Variants in IL1RAPL2 observed in about 807,000 individuals in gnomAD.
IL1RAPL2 encodes X-linked interleukin-1 receptor accessory protein-like 2.
IL1RAPL2 carries 3 observed loss-of-function variants against 44.1 expected under a neutral mutation model. That is an observed-to-expected ratio of 0.07 (90% CI 0.03 to 0.18). The LOEUF is 0.18. IL1RAPL2 is among the 10% of genes least tolerant of loss of function. The probability of loss-of-function intolerance (pLI) is 1.00; values close to 1 mark genes in which losing one functional copy is unlikely to be tolerated. For missense variants in IL1RAPL2, 391 were observed against 496.4 expected, an observed-to-expected ratio of 0.79 and a Z score of 2.02; for synonymous variants, 181 against 178.8, an observed-to-expected ratio of 1.01 and a Z score of -0.10.
intron 6 of IL1RAPL2, among the ~76,000 whole-genome samples, chrX:105,596,872 A>G (rs1255997412): frequency 8.9e-6 from 1 of 112,052 alleles, no homozygotes; most frequent in Non-Finnish European, 1.9e-5. Context: ...TTCCTGGAAG[A>G]AAACATAAGA....
At chrX:104,968,808 A>G (rs2030175439) in intron 2 of IL1RAPL2, among the ~76,000 whole-genome samples, 1 of 111,608 alleles carries the variant, frequency 9.0e-6, no homozygotes, top group Non-Finnish European at 1.9e-5. Context: ...TAAGACCTTA[A>G]TGGAGAAAAT....
intron 5 of IL1RAPL2, among the ~76,000 whole-genome samples, chrX:105,404,930 C>G (rs974747830): frequency 2.7e-5 from 3 of 111,790 alleles, no homozygotes; most frequent in African/African-American, 9.7e-5. Context: ...AATAAATATT[C>G]TATGACCAAG....
At chrX:105,733,976 A>G (rs2038426181) in intron 7 of IL1RAPL2, among the ~76,000 whole-genome samples, 1 of 111,535 alleles carries the variant, frequency 9.0e-6, no homozygotes, top group South Asian at 3.7e-4. Context: ...GTGAGATTTT[A>G]TGTTTATCTG....
rs1320031622 is a variant in IL1RAPL2, at chrX:105,767,756, GTGTT to G, written c.*98_*101del. ...CACCTAATAACGTTGTGTTAAAAAA[GTGTT>G]TGAAGAAAAAGGTACAAAAATGGCT... On this transcript the variant is annotated 3_prime_UTR_variant, in exon 11 of 11. Coordinates refer to ENST00000372582, the MANE Select transcript of IL1RAPL2 (RefSeq NM_017416.2). The G allele has an allele frequency of 1.2e-5, 8 of 654,949 alleles. No homozygotes were observed. The highest frequency in any genetic ancestry group is 1.6e-5 in the Non-Finnish European group (7 of 431,682). The allele number at this position is 654,949 out of a possible 1,213,427, so 54.0% of individuals were successfully genotyped here.
At chrX:105,665,334 T>TATGCGC (rs2037750968) in intron 6 of IL1RAPL2, among the ~76,000 whole-genome samples, 1 of 91,489 alleles carries the variant, frequency 1.1e-5, no homozygotes. Context: ...GCCTTTATTT[T>TATGCGC]ATGCGCGTGC....
chrX:104,797,319 A>G (rs181220925), intron 2 of IL1RAPL2, among the ~76,000 whole-genome samples: 432 of 108,936 alleles, frequency 4.0e-3, no homozygotes, highest in African/African-American at 0.014. Flanking sequence ...GATTTGTGGG[A>G]GCGCTGCCTC....
chrX:104,782,011 G>A (rs1411298202), intron 2 of IL1RAPL2, among the ~76,000 whole-genome samples: 1 of 111,780 alleles, frequency 8.9e-6, no homozygotes, highest in Non-Finnish European at 1.9e-5. Context: ...GATACAGCAA[G>A]AAGGCTCCAT....
At chrX:105,636,992 G>C (rs1209866290) in intron 6 of IL1RAPL2, among the ~76,000 whole-genome samples, 1 of 111,062 alleles carries the variant, frequency 9.0e-6, no homozygotes, top group Non-Finnish European at 1.9e-5. Context: ...AGGTGGGGGG[G>C]AGTATACAAT....
chrX:105,161,607 C>A (rs182426780), intron 2 of IL1RAPL2, among the ~76,000 whole-genome samples: 15 of 111,330 alleles, frequency 1.3e-4, no homozygotes, highest in Admixed American at 7.7e-4. Context: ...AAGAAAGTGG[C>A]AAATTATTAG....
At chrX:105,526,123 G>A (rs1455792758) in intron 6 of IL1RAPL2, among the ~76,000 whole-genome samples, 3 of 111,928 alleles carry the variant, frequency 2.7e-5, no homozygotes, top group African/African-American at 9.7e-5. Context: ...TCTAAAAGAA[G>A]TAATATTAAA....
intron 5 of IL1RAPL2, among the ~76,000 whole-genome samples, chrX:105,444,193 G>T (rs1370577950): frequency 1.8e-5 from 2 of 111,805 alleles, no homozygotes; most frequent in South Asian, 3.7e-4. Flanking sequence ...CAGATTCTTA[G>T]ATTTTTTTCC....
At chrX:105,534,038 A>G (rs2036660083) in intron 6 of IL1RAPL2, among the ~76,000 whole-genome samples, 1 of 112,340 alleles carries the variant, frequency 8.9e-6, no homozygotes, top group Non-Finnish European at 1.9e-5. Context: ...ATTTGTTTAT[A>G]TGTATTTTTG....
At chrX:104,966,718 T>C (rs2030130946) in intron 2 of IL1RAPL2, among the ~76,000 whole-genome samples, 2 of 111,588 alleles carry the variant, frequency 1.8e-5, no homozygotes, top group South Asian at 7.4e-4. Flanking sequence ...GATTATGGAA[T>C]AGAGATCAAC....
At chrX:105,614,962 G>T (rs2037362830) in intron 6 of IL1RAPL2, among the ~76,000 whole-genome samples, 1 of 110,833 alleles carries the variant, frequency 9.0e-6, no homozygotes, top group African/African-American at 3.3e-5. Context: ...AATATATAAG[G>T]AGCCCAAACA....
chrX:105,310,134 A>G (rs1333595426), intron 5 of IL1RAPL2, among the ~76,000 whole-genome samples: 1 of 111,409 alleles, frequency 9.0e-6, no homozygotes, highest in Non-Finnish European at 1.9e-5. Flanking sequence ...TTGGAGAGGA[A>G]TTGAATTTTT....
At chrX:105,060,589 T>C (rs1192387676) in intron 2 of IL1RAPL2, among the ~76,000 whole-genome samples, 8 of 105,012 alleles carry the variant, frequency 7.6e-5, no homozygotes, top group African/African-American at 1.4e-4. Flanking sequence ...CTTTTTCTTT[T>C]TTTTTTTTTT....
intron 6 of IL1RAPL2, among the ~76,000 whole-genome samples, chrX:105,505,148 T>C (rs758656921): frequency 9.0e-6 from 1 of 111,139 alleles, no homozygotes; most frequent in Non-Finnish European, 1.9e-5. Context: ...CAATGTACAC[T>C]AATCTCCGTA....
chrX:105,500,334 TTAC>T (rs765629565), intron 6 of IL1RAPL2, among the ~76,000 whole-genome samples: 19 of 108,616 alleles, frequency 1.7e-4, no homozygotes, highest in African/African-American at 6.6e-4. Flanking sequence ...TATATGTTAG[TTAC>T]TACAATGAAA....
chrX:105,653,010 G>A (rs1381098093), intron 6 of IL1RAPL2, among the ~76,000 whole-genome samples: 1 of 111,315 alleles, frequency 9.0e-6, no homozygotes, highest in Non-Finnish European at 1.9e-5. Flanking sequence ...TACAAATACT[G>A]TGCTGTAATC....
Sources: gnomAD v4.1 joint callset for allele counts (sites outside exome capture counted in the v4.1 genomes callset) on GRCh38, gnomAD v4.1.1 for gene constraint, MANE v1.5 for transcripts, NCBI Gene and HGNC (gene_info 2026-07-23, HGNC 2026-07-21) for gene names.